AGBL1: variants seen among roughly 807,000 people sequenced by gnomAD.
AGBL1 encodes the protein cytosolic carboxypeptidase 4.
A neutral mutation model predicts 118.9 loss-of-function variants in AGBL1; 130 were observed. The observed-to-expected ratio is 1.09, with a 90% CI of 0.95 to 1.26. The LOEUF (loss-of-function observed/expected upper bound fraction) is 1.26. Ranked by LOEUF, AGBL1 falls within the 50% of genes most tolerant of loss-of-function variation. The probability of loss-of-function intolerance (pLI) is 0.00; values close to 1 mark genes in which losing one functional copy is unlikely to be tolerated. For missense variants in AGBL1, 1,584 were observed against 1,298.1 expected, an observed-to-expected ratio of 1.22 and a Z score of -3.38; for synonymous variants, 555 against 478.9, an observed-to-expected ratio of 1.16 and a Z score of -2.08.
Position 86,151,562 on chromosome 15 carries a change from C to T in AGBL1, c.263-2868C>T, listed in dbSNP as rs766509696. Among the ~76,000 whole-genome samples, 4 of 152,112 alleles carry T rather than the reference C, an allele frequency of 2.6e-5. No homozygotes were observed. The South Asian group carries it at 6.2e-4, about 24-fold the overall frequency. ...GAGCTATTTATGACAAACCCACAGC[C>T]GATATCATACTGAATGGGAAAAAAC... On this transcript the variant is annotated intron_variant, in intron 3 of 22. Coordinates refer to ENST00000614907, the MANE Select transcript of AGBL1 (RefSeq NM_001386094.1).
At chr15:86,524,072 A>C (rs2083227124) in intron 19 of AGBL1, among the ~76,000 whole-genome samples, 1 of 152,208 alleles carries the variant, frequency 6.6e-6, no homozygotes, top group African/African-American at 2.4e-5. Context: ...GGCACATTCA[A>C]TGAATATTTA....
At chr15:86,749,588 C>A (rs1193580985) in intron 22 of AGBL1, among the ~76,000 whole-genome samples, 1 of 152,100 alleles carries the variant, frequency 6.6e-6, no homozygotes, top group Admixed American at 6.5e-5. Flanking sequence ...TGTCTTGTGC[C>A]AGTTTACAAA....
intron 22 of AGBL1, among the ~76,000 whole-genome samples, chr15:86,785,680 G>A (rs2078402724): frequency 1.3e-5 from 2 of 152,080 alleles, no homozygotes; most frequent in Non-Finnish European, 1.5e-5. Flanking sequence ...AGATGTGCGT[G>A]TTTTAAAGGG....
At chr15:86,647,950 G>C (rs1304464320) in intron 21 of AGBL1, among the ~76,000 whole-genome samples, 1 of 152,110 alleles carries the variant, frequency 6.6e-6, no homozygotes, top group African/African-American at 2.4e-5. Context: ...TCAGAGCCAG[G>C]GTAGAAGCAT....
intron 1 of AGBL1, among the ~76,000 whole-genome samples, chr15:86,123,878 T>C (rs536752356): frequency 6.6e-6 from 1 of 152,182 alleles, no homozygotes; most frequent in Non-Finnish European, 1.5e-5. Context: ...TTTGACTCTT[T>C]TTTATCCACA....
At chr15:86,318,087 A>G (rs1218357702) in intron 17 of AGBL1, among the ~76,000 whole-genome samples, 4 of 152,224 alleles carry the variant, frequency 2.6e-5, no homozygotes, top group African/African-American at 9.6e-5. Flanking sequence ...ACAGCAGTGC[A>G]TGAATGTCTG....
chr15:86,610,046 C>T (rs1383015834), intron 21 of AGBL1, among the ~76,000 whole-genome samples: 1 of 152,204 alleles, frequency 6.6e-6, no homozygotes, highest in Non-Finnish European at 1.5e-5. Flanking sequence ...CCCCCATCTC[C>T]ACCAATGGAA....
chr15:86,171,850 C>T (rs1228224543), intron 5 of AGBL1, among the ~76,000 whole-genome samples: 2 of 152,154 alleles, frequency 1.3e-5, no homozygotes, highest in African/African-American at 4.8e-5. Flanking sequence ...CCGTGGGATA[C>T]CACTTAGCCA....
intron 19 of AGBL1, among the ~76,000 whole-genome samples, chr15:86,534,112 TA>T (rs61563504): frequency 0.013 from 1,237 of 96,514 alleles, 13 homozygotes; most frequent in East Asian, 0.035. Flanking sequence ...TAAAGTATAA[TA>T]AAAAAAAAAA....
chr15:86,502,237 A>G (rs750592245), intron 18 of AGBL1, among the ~76,000 whole-genome samples: 2 of 151,352 alleles, frequency 1.3e-5, no homozygotes, highest in Non-Finnish European at 3.0e-5. Context: ...TTATTTTTAG[A>G]TTGTTCATTG....
At chr15:86,632,344 G>T (rs1352205228) in intron 21 of AGBL1, among the ~76,000 whole-genome samples, 1 of 151,728 alleles carries the variant, frequency 6.6e-6, no homozygotes, top group Non-Finnish European at 1.5e-5. Flanking sequence ...GTGGGAGACT[G>T]AGGCAGGGAA....
At chr15:86,101,800 T>A (rs140809865) in intron 1 of AGBL1, among the ~76,000 whole-genome samples, 1 of 152,296 alleles carries the variant, frequency 6.6e-6, no homozygotes, top group East Asian at 1.9e-4. Flanking sequence ...CAGCATATAG[T>A]TCAGTGTTTT....
At chr15:86,881,746 C>A (rs1470993425) in intron 22 of AGBL1, among the ~76,000 whole-genome samples, 2 of 152,170 alleles carry the variant, frequency 1.3e-5, no homozygotes, top group Non-Finnish European at 2.9e-5. Flanking sequence ...AGCAATTCTC[C>A]TGCCTCAGCC....
chr15:86,404,193 C>G (rs1467194034), intron 18 of AGBL1, among the ~76,000 whole-genome samples: 1 of 152,106 alleles, frequency 6.6e-6, no homozygotes, highest in Non-Finnish European at 1.5e-5. Flanking sequence ...CATGGCGCAG[C>G]CTTGCCCAGA....
At chr15:86,337,420 G>A (rs867560357) in intron 17 of AGBL1, among the ~76,000 whole-genome samples, 4 of 152,112 alleles carry the variant, frequency 2.6e-5, no homozygotes, top group South Asian at 4.2e-4. Flanking sequence ...GTCCATTGCC[G>A]CACTATTCAC....
At chr15:86,538,707 T>G (rs1266047917) in intron 19 of AGBL1, among the ~76,000 whole-genome samples, 4 of 152,222 alleles carry the variant, frequency 2.6e-5, no homozygotes, top group Non-Finnish European at 5.9e-5. Context: ...AATGCAAATG[T>G]CTTGATACTG....
At chr15:86,765,256 T>C (rs1348330211) in intron 22 of AGBL1, among the ~76,000 whole-genome samples, 8 of 151,914 alleles carry the variant, frequency 5.3e-5, no homozygotes, top group African/African-American at 1.9e-4. Flanking sequence ...GCAAAAAATA[T>C]GCTTTTTCCA....
At chr15:86,344,162 G>A (rs915996860) in intron 17 of AGBL1, among the ~76,000 whole-genome samples, 7 of 152,186 alleles carry the variant, frequency 4.6e-5, no homozygotes, top group Non-Finnish European at 8.8e-5. Context: ...ATGGGCTGGA[G>A]GGGCATGGCT....
At chr15:86,447,951 C>T (rs954457625) in intron 18 of AGBL1, among the ~76,000 whole-genome samples, 1 of 152,090 alleles carries the variant, frequency 6.6e-6, no homozygotes, top group African/African-American at 2.4e-5. Flanking sequence ...TTGAGATCGA[C>T]ATGGGCAACA....
Sources: gnomAD v4.1 joint callset for allele counts (sites outside exome capture counted in the v4.1 genomes callset) on GRCh38, gnomAD v4.1.1 for gene constraint, MANE v1.5 for transcripts, NCBI Gene and HGNC (gene_info 2026-07-23, HGNC 2026-07-21) for gene names.